Variants in ATAD2 observed in about 807,000 individuals in gnomAD.
The protein encoded by ATAD2 is ATPase family AAA domain containing 2, also known as ATPase family AAA domain-containing protein 2.
In ATAD2, 62 loss-of-function variants were observed where a neutral mutation model predicts 168.9. That is an observed-to-expected ratio of 0.37 (90% CI 0.30 to 0.45). The LOEUF (loss-of-function observed/expected upper bound fraction) is 0.45, where lower values mean the gene tolerates loss of function less well. ATAD2 is among the 20% of genes least tolerant of loss of function. The pLI, the probability that ATAD2 is intolerant of heterozygous loss-of-function variation, is 1.00. For synonymous variants in ATAD2, 613 were observed against 571.6 expected, an observed-to-expected ratio of 1.07 and a Z score of -1.03; for missense variants, 1,419 against 1,667.8, an observed-to-expected ratio of 0.85 and a Z score of 2.60.
chr8:123,345,558 TGTAGTCCCA>T (rs926425753), intron 18 of ATAD2, among the ~76,000 whole-genome samples: 7 of 150,588 alleles, frequency 4.6e-5, no homozygotes, highest in Non-Finnish European at 1.0e-4. Flanking sequence ...GCATTGCACC[TGTAGTCCCA>T]GCTACTCGGG....
chr8:123,408,370 C>T (rs916369110), intron 1 of ATAD2, among the ~76,000 whole-genome samples: 4 of 152,200 alleles, frequency 2.6e-5, no homozygotes, highest in African/African-American at 9.6e-5. Context: ...GACCTTGGAC[C>T]AGCCAATGGG....
At position 123,326,011 on chromosome 8, in the gene ATAD2, C is replaced by T. The variant is rs371959622; in HGVS notation, c.3884G>A (p.Arg1295Gln). 40 of 1,613,764 alleles carry T rather than the reference C, an allele frequency of 2.5e-5. No homozygotes were observed. The highest frequency in any genetic ancestry group is 3.2e-5 in the Non-Finnish European group (38 of 1,179,934). The change falls in exon 26 of 28, where the codon CGA becomes CAA. Residue 1295 changes from arginine (R) to glutamine (Q), a missense_variant. Physicochemically the swap from Arg to Gln is conservative, Grantham distance 43. Transcript: ENST00000287394. Reference sequence around the variant, plus strand: ...CTGGGAACGTCTAGCTCGAGTCATTCGCAGAACACACATTTCTAGAATGAA... The same window carrying T: ...CTGGGAACGTCTAGCTCGAGTCATTTGCAGAACACACATTTCTAGAATGAA... ...ENEGKEMCVL[R>Q]MTRARRSQVE...
rs773565792 is a variant in ATAD2, at chr8:123,347,126, A to G, written c.2178T>C (p.His726=). The change falls in exon 16 of 28, where the codon CAT becomes CAC. Residue 726 remains histidine (H), a synonymous_variant. Transcript: ENST00000287394. The part of the protein sequence containing the change: ...ILEALQRVFP[H]AEFRTNKTLD... ...ATGTTTTATTTGTTCTGAATTCTGC[A>G]TGTGGAAATACTCTCTGCAGGGCTT... The G allele has an allele frequency of 1.2e-6, 2 of 1,613,572 alleles. No homozygotes were observed. Among genetic ancestry groups the G allele is most frequent in the South Asian group, 2.2e-5 (2 of 90,990 alleles).
intron 1 of ATAD2, among the ~76,000 whole-genome samples, chr8:123,407,131 G>T (rs893966558): frequency 2.6e-5 from 4 of 152,162 alleles, no homozygotes; most frequent in African/African-American, 9.7e-5. Flanking sequence ...GCCAAGGTTT[G>T]CCAGCAACCA....
intron 7 of ATAD2, 29 bp downstream of exon 7, chr8:123,369,792 C>T: frequency 2.0e-6 from 3 of 1,517,644 alleles, no homozygotes; most frequent in Non-Finnish European, 2.7e-6. Flanking sequence ...ATAATTACAT[C>T]TCCTGGAAAG....
At chr8:123,406,782 A>C (rs542008782) in intron 1 of ATAD2, among the ~76,000 whole-genome samples, 6 of 148,500 alleles carry the variant, frequency 4.0e-5, no homozygotes, top group South Asian at 2.1e-4. Context: ...TCGCCACTGC[A>C]CTTTAGCCTG....
At chr8:123,377,789 G>T (rs1254981010) in intron 2 of ATAD2, among the ~76,000 whole-genome samples, 1 of 152,116 alleles carries the variant, frequency 6.6e-6, no homozygotes, top group Non-Finnish European at 1.5e-5. Flanking sequence ...ACATCATATT[G>T]CCTTTCATAC....
At chr8:123,364,622 T>C (rs1050369722) in intron 8 of ATAD2, among the ~76,000 whole-genome samples, 2 of 152,152 alleles carry the variant, frequency 1.3e-5, no homozygotes, top group Non-Finnish European at 2.9e-5. Flanking sequence ...TGGTTTAACA[T>C]ACTCAAGTCA....
chr8:123,349,778 C>G (rs1375225611), intron 13 of ATAD2, among the ~76,000 whole-genome samples: 1 of 151,774 alleles, frequency 6.6e-6, no homozygotes, highest in Non-Finnish European at 1.5e-5. Context: ...GTGGCTCACG[C>G]CTGTAACCCC....
At chr8:123,361,768 G>A (rs569339851) in intron 8 of ATAD2, 122 bp from the exon 9 acceptor site, 5 of 651,314 alleles carry the variant, frequency 7.7e-6, no homozygotes, top group Admixed American at 5.4e-5. Flanking sequence ...TACATCTGCT[G>A]ACCCACTGAC....
intron 16 of ATAD2, 151 bp downstream of exon 16, chr8:123,346,941 A>G (rs1828263972): frequency 9.3e-7 from 1 of 1,070,132 alleles, no homozygotes; most frequent in Non-Finnish European, 1.3e-6. Context: ...AGGGCAATCC[A>G]TGGAGTAAAT....
chr8:123,378,206 T>C (rs150844132), intron 2 of ATAD2, among the ~76,000 whole-genome samples: 7 of 152,338 alleles, frequency 4.6e-5, no homozygotes, highest in Admixed American at 2.6e-4. Context: ...GATTTTCTTT[T>C]TTAGTGTCCC....
At position 123,337,662 on chromosome 8, in the gene ATAD2, C is replaced by T. The variant is rs768509548; in HGVS notation, c.3014G>A (p.Arg1005Gln). Reference sequence around the variant, plus strand: ...AACAGGCTTAGTAAACACTCGGAATCGCTTGTCAATAGCAAGCCTATGTGT... The same window carrying T: ...AACAGGCTTAGTAAACACTCGGAATTGCTTGTCAATAGCAAGCCTATGTGT... ...NVTHRLAIDK[R>Q]FRVFTKPVDP... The change falls in exon 21 of 28, where the codon CGA (arginine) becomes CAA (glutamine). Residue 1005 changes from arginine to glutamine, a missense_variant. Coordinates refer to ENST00000287394, the MANE Select transcript of ATAD2 (RefSeq NM_014109.4). 9 of 1,612,234 alleles carry T rather than the reference C, an allele frequency of 5.6e-6. No homozygotes were observed. The highest frequency in any genetic ancestry group is 1.1e-5 in the South Asian group (1 of 90,616).
At chr8:123,367,125 AAT>A (rs1295563281) in intron 8 of ATAD2, among the ~76,000 whole-genome samples, 1 of 152,164 alleles carries the variant, frequency 6.6e-6, no homozygotes, top group Admixed American at 6.5e-5. Context: ...GAATCTAACC[AAT>A]AACTCGGCCG....
intron 2 of ATAD2, among the ~76,000 whole-genome samples, chr8:123,379,891 T>TTA (rs1554646764): frequency 1.2e-4 from 7 of 56,092 alleles, no homozygotes; most frequent in East Asian, 6.9e-4. Flanking sequence ...ATTATTATTA[T>TTA]TTTTTTTTTT....
At chr8:123,394,568 G>C (rs1337816279) in intron 1 of ATAD2, among the ~76,000 whole-genome samples, 2 of 151,944 alleles carry the variant, frequency 1.3e-5, no homozygotes, top group Non-Finnish European at 2.9e-5. Context: ...GGTGGAGGTT[G>C]AGGTTGCGGT....
At chr8:123,359,962 G>A (rs1006223054) in intron 9 of ATAD2, among the ~76,000 whole-genome samples, 7 of 152,122 alleles carry the variant, frequency 4.6e-5, no homozygotes, top group African/African-American at 1.4e-4. Flanking sequence ...TCACGGTGGT[G>A]AAATCAGACA....
At chr8:123,403,333 C>T (rs1258780194) in intron 1 of ATAD2, among the ~76,000 whole-genome samples, 1 of 151,914 alleles carries the variant, frequency 6.6e-6, no homozygotes, top group African/African-American at 2.4e-5. Context: ...CTCCTGAGCT[C>T]AGGTGATCTG....
At chr8:123,381,051 A>G (rs528780600) in intron 1 of ATAD2, 1 of 167,792 alleles carries the variant, frequency 6.0e-6, no homozygotes, top group East Asian at 1.7e-4. Flanking sequence ...TAAGAAAGAT[A>G]CAGACTCACC....
Sources: allele counts gnomAD v4.1 joint callset (sites outside exome capture counted in the v4.1 genomes callset), GRCh38; gene constraint gnomAD v4.1.1; transcripts MANE v1.5; gene names NCBI Gene and HGNC (gene_info 2026-07-23, HGNC 2026-07-21).